The following NEMF variants were observed in gnomAD, a reference collection of about 807,000 sequenced individuals.
NEMF encodes the protein nuclear export mediator factor, also known as ribosome quality control complex subunit NEMF.
NEMF carries 89 observed loss-of-function variants against 162.2 expected under a neutral mutation model. That is an observed-to-expected ratio of 0.55 (90% CI 0.46 to 0.65). NEMF has a LOEUF of 0.65. Among genes scored for constraint, NEMF ranks in the 30% least tolerant of loss-of-function variants. NEMF has a pLI of 0.00. For missense variants in NEMF, 1,133 were observed against 1,261.9 expected (o/e 0.90, Z 1.55); for synonymous variants, 421 against 404.5 (o/e 1.04, Z -0.49).
intron 29 of NEMF, chr14:49,786,346 T>A (rs556513792): frequency 1.1e-5 from 2 of 179,400 alleles, no homozygotes; most frequent in East Asian, 3.1e-4. Context: ...ATTGCCCCCA[T>A]TTATTTTACA....
At position 49,782,359 on chromosome 14, in the gene NEMF, T is replaced by C. The variant is rs200043655; in HGVS notation, c.*2277A>G. ...TGGGTGGCTTCAAACTCGTTTTTGT[T>C]TTAAATGCAGGTTATGGCACACAGC... is the stretch of plus-strand genomic sequence containing the variant. On this transcript the variant is annotated 3_prime_UTR_variant, in exon 33 of 33. Transcript: ENST00000298310. 153 of 1,595,056 alleles carry C rather than the reference T, an allele frequency of 9.6e-5. No individual in the cohort carries two copies. In the African/African-American group the frequency reaches 1.8e-3, roughly 19 times the overall value.
At chr14:49,844,497 G>A (rs1035572440) in intron 4 of NEMF, among the ~76,000 whole-genome samples, 5 of 152,184 alleles carry the variant, frequency 3.3e-5, no homozygotes, top group African/African-American at 9.6e-5. Flanking sequence ...CCTGTATAGG[G>A]CACTTACCAT....
At chr14:49,828,379 T>C in intron 14 of NEMF, 25 bp from the exon 15 acceptor site, 1 of 1,409,758 alleles carries the variant, frequency 7.1e-7, no homozygotes, top group Non-Finnish European at 9.9e-7. Flanking sequence ...TTCTCTTAAA[T>C]TTTAAGTATA....
In NEMF at chr14:49,852,686, G is replaced by T; in HGVS notation, c.59+9C>A. The T allele has an allele frequency of 2.5e-6, 4 of 1,614,192 alleles. No homozygotes were observed. The highest frequency in any genetic ancestry group is 3.4e-6 in the Non-Finnish European group (4 of 1,180,000). On this transcript the variant is annotated intron_variant, in intron 1 of 32. Coordinates refer to ENST00000298310, the MANE Select transcript of NEMF (RefSeq NM_004713.6). ...CCCCACACGAGCCTCGTCACTTAGG[G>T]TACTGTACCTAGCATTCAGCTCCGC...
At chr14:49,799,574 TG>T in intron 24 of NEMF, 50 bp from the exon 25 acceptor site, 2 of 1,597,594 alleles carry the variant, frequency 1.3e-6, no homozygotes, top group East Asian at 4.5e-5. Context: ...TTAACTTTTT[TG>T]AAAAGTAGAA....
chr14:49,785,334 A>G lies in NEMF; in HGVS notation c.2929-14T>C. The G allele has an allele frequency of 1.9e-6, 3 of 1,596,840 alleles. No homozygotes were observed. The highest frequency in any genetic ancestry group is 1.1e-5 in the South Asian group (1 of 90,680). On this transcript the variant is annotated splice_polypyrimidine_tract_variant and intron_variant, in intron 29 of 32. Transcript: ENST00000298310. ...AAATAGGTTTTCCTAAAAAGGGAAA[A>G]TAACAGTTACAAAGGCAATTTATAC...
chr14:49,799,235 G>GAAAAAAAAAAAAAAAAAAA (rs1402728880), intron 25 of NEMF, among the ~76,000 whole-genome samples: 1 of 54,960 alleles, frequency 1.8e-5, no homozygotes. Context: ...AAAAAAAAAG[G>GAAAAAAAAAAAAAAAAAAA]AAAATGTTAA....
chr14:49,814,714 C>T (rs1440845840), intron 17 of NEMF, 40 bp downstream of exon 17: 3 of 1,108,388 alleles, frequency 2.7e-6, no homozygotes, highest in African/African-American at 3.2e-5. Flanking sequence ...CTGATCCAAA[C>T]ATTCAAGAGA....
At chr14:49,801,039 CATAAAAACTTAAATA>C in intron 22 of NEMF, 1 of 244,956 alleles carries the variant, frequency 4.1e-6, no homozygotes, top group Non-Finnish European at 7.9e-6. Flanking sequence ...ATAATTTGCA[CATAAAAACTTAAATA>C]CGTATTATAT....
intron 16 of NEMF, among the ~76,000 whole-genome samples, chr14:49,819,096 C>T (rs1402871541): frequency 5.3e-5 from 8 of 151,970 alleles, no homozygotes; most frequent in Admixed American, 3.3e-4. Context: ...TGCCACAGAG[C>T]GAAACTCTGT....
At chr14:49,843,225 T>C (rs1893303777) in intron 4 of NEMF, among the ~76,000 whole-genome samples, 1 of 152,142 alleles carries the variant, frequency 6.6e-6, no homozygotes, top group Admixed American at 6.6e-5. Context: ...CCAGGCGTGG[T>C]GGCTCACCCC....
intron 23 of NEMF, 47 bp downstream of exon 23, chr14:49,800,373 C>G (rs1890898741): frequency 3.7e-6 from 5 of 1,358,822 alleles, no homozygotes; most frequent in African/African-American, 1.5e-5. Flanking sequence ...ACCTCATCAT[C>G]ATTCTCAGCT....
At chr14:49,825,784 G>A (rs1892309584) in intron 16 of NEMF, 83 bp downstream of exon 16, 1 of 896,910 alleles carries the variant, frequency 1.1e-6, no homozygotes, top group Admixed American at 2.5e-5. Context: ...AAGCTTTGTA[G>A]AACTGTTTGA....
chr14:49,846,275 GA>G lies in NEMF; in HGVS notation c.232-11del. 1 of 1,605,230 alleles carries G rather than the reference GA, an allele frequency of 6.2e-7. No homozygotes were observed. ...TCAAATGTTTTCGGCACTAGCAAGA[GA>G]AAGAAAAAGGCATTCATTTAGTAAA... On this transcript the variant is annotated splice_polypyrimidine_tract_variant and intron_variant, in intron 3 of 32. Coordinates refer to ENST00000298310, the MANE Select transcript of NEMF (RefSeq NM_004713.6).
At chr14:49,826,409 A>C (rs1296643261) in intron 15 of NEMF, among the ~76,000 whole-genome samples, 6 of 152,122 alleles carry the variant, frequency 3.9e-5, no homozygotes, top group East Asian at 1.9e-4. Flanking sequence ...TGCTACAGGA[A>C]TATAACAAGG....
chr14:49,782,818 G>C lies in NEMF; in HGVS notation c.*1818C>G. On this transcript the variant is annotated 3_prime_UTR_variant, in exon 33 of 33. Transcript: ENST00000298310. ...AGTGAAATTACTTTTCTCTTTCCTT[G>C]TCCACTTTCAGGCTAAGCTTAGAAG... The C allele has an allele frequency of 1.2e-6, 2 of 1,608,988 alleles. No individual in the cohort carries two copies. Among genetic ancestry groups the C allele is most frequent in the Non-Finnish European group, 1.7e-6 (2 of 1,178,470 alleles).
chr14:49,827,028 C>T (rs954558577), intron 15 of NEMF, among the ~76,000 whole-genome samples: 6 of 152,130 alleles, frequency 3.9e-5, no homozygotes, highest in South Asian at 2.1e-4. Context: ...AGCTAAGATC[C>T]CAGTGTAGCC....
intron 6 of NEMF, 62 bp downstream of exon 6, chr14:49,838,077 A>G: frequency 7.9e-7 from 1 of 1,269,202 alleles, no homozygotes; most frequent in Middle Eastern, 1.9e-4. Flanking sequence ...AAAGATTTCA[A>G]TATATTCCTG....
intron 25 of NEMF, among the ~76,000 whole-genome samples, chr14:49,797,176 G>A (rs1356788701): frequency 6.6e-6 from 1 of 152,150 alleles, no homozygotes; most frequent in Non-Finnish European, 1.5e-5. Flanking sequence ...ATTGTTCAAT[G>A]ATTATGTTTC....
Sources: gnomAD v4.1 joint callset for allele counts (sites outside exome capture counted in the v4.1 genomes callset) on GRCh38, gnomAD v4.1.1 for gene constraint, MANE v1.5 for transcripts, NCBI Gene and HGNC (gene_info 2026-07-23, HGNC 2026-07-21) for gene names.